Variants in NALF1 observed in about 807,000 individuals in gnomAD.
The protein encoded by NALF1 is family with sequence similarity 155 member A.
Under a neutral mutation model 48.4 loss-of-function variants are expected in NALF1, and 3 were observed. The observed-to-expected ratio is 0.06, with a 90% CI of 0.03 to 0.16. NALF1 has a LOEUF of 0.16. Ranked by LOEUF, NALF1 falls within the 10% of genes least tolerant of loss-of-function variation. The pLI, the probability that NALF1 is intolerant of heterozygous loss-of-function variation, is 1.00. For missense variants in NALF1, 526 were observed against 571.5 expected, an observed-to-expected ratio of 0.92 and a Z score of 0.81; for synonymous variants, 262 against 245.7, an observed-to-expected ratio of 1.07 and a Z score of -0.62.
chr13:107,569,604 T>C (rs1877925810), intron 1 of NALF1, among the ~76,000 whole-genome samples: 1 of 152,240 alleles, frequency 6.6e-6, no homozygotes, highest in African/African-American at 2.4e-5. Flanking sequence ...TATGAGTCTA[T>C]CGTTCTGTTG....
chr13:107,636,155 C>A (rs1478761533), intron 1 of NALF1, among the ~76,000 whole-genome samples: 1 of 152,042 alleles, frequency 6.6e-6, no homozygotes, highest in African/African-American at 2.4e-5. Context: ...CCAAAAGAAG[C>A]ATGAAGCAGG....
intron 1 of NALF1, among the ~76,000 whole-genome samples, chr13:107,262,169 T>C (rs9520351): frequency 0.79 from 120,255 of 152,102 alleles, 47,755 homozygotes; most frequent in South Asian, 0.89. Context: ...AATCCTAGCA[T>C]TTTGGGACAT....
intron 1 of NALF1, among the ~76,000 whole-genome samples, chr13:107,702,702 C>T (rs1476814249): frequency 2.0e-5 from 3 of 152,114 alleles, no homozygotes; most frequent in Non-Finnish European, 4.4e-5. Context: ...TCCTCCCATC[C>T]TCACAGTCCA....
intron 1 of NALF1, among the ~76,000 whole-genome samples, chr13:107,695,933 G>A (rs915241506): frequency 6.9e-6 from 1 of 144,630 alleles, no homozygotes; most frequent in South Asian, 2.1e-4. Context: ...GTCTCACTCT[G>A]TCACCCAGGC....
At chr13:107,688,871 T>C (rs958464841) in intron 1 of NALF1, among the ~76,000 whole-genome samples, 1 of 152,144 alleles carries the variant, frequency 6.6e-6, no homozygotes, top group African/African-American at 2.4e-5. Context: ...GTGACCGAAA[T>C]GCATTACCTA....
chr13:107,728,335 T>C (rs1355937133), intron 1 of NALF1, among the ~76,000 whole-genome samples: 2 of 152,130 alleles, frequency 1.3e-5, no homozygotes, highest in African/African-American at 2.4e-5. Flanking sequence ...ATATACACCA[T>C]GGAATATTAT....
At chr13:107,770,038 G>T (rs1249922073) in intron 1 of NALF1, among the ~76,000 whole-genome samples, 2 of 152,050 alleles carry the variant, frequency 1.3e-5, no homozygotes, top group South Asian at 2.1e-4. Context: ...TCAGCCTCCT[G>T]AGTAGCTGGG....
chr13:107,586,149 T>C (rs369875499), intron 1 of NALF1, among the ~76,000 whole-genome samples: 8 of 152,184 alleles, frequency 5.3e-5, no homozygotes, highest in South Asian at 2.1e-4. Flanking sequence ...AGGTACCTCA[T>C]AGAATTGTGG....
At chr13:107,269,166 T>A (rs370431179) in intron 1 of NALF1, among the ~76,000 whole-genome samples, 7 of 143,232 alleles carry the variant, frequency 4.9e-5, no homozygotes, top group African/African-American at 2.6e-5. Flanking sequence ...TGTCTATGTT[T>A]AAAAAAAAAA....
chr13:107,745,123 G>A (rs902795162), intron 1 of NALF1, among the ~76,000 whole-genome samples: 2 of 152,192 alleles, frequency 1.3e-5, no homozygotes, highest in African/African-American at 4.8e-5. Flanking sequence ...CTAATACCTA[G>A]AGGGTACATA....
intron 1 of NALF1, among the ~76,000 whole-genome samples, chr13:107,409,817 A>G (rs1212697394): frequency 6.6e-6 from 1 of 152,208 alleles, no homozygotes; most frequent in East Asian, 1.9e-4. Flanking sequence ...TCTGAAATAC[A>G]TAAAGACACC....
chr13:107,634,029 G>T (rs1380043138), intron 1 of NALF1, among the ~76,000 whole-genome samples: 1 of 151,372 alleles, frequency 6.6e-6, no homozygotes, highest in Non-Finnish European at 1.5e-5. Flanking sequence ...AGAGTTATTT[G>T]AATTTTCATA....
rs139113957 is a variant in NALF1 at position 107,773,629 on chromosome 13, A to C, written c.915+92053T>G. 2.4e-3 allele frequency among the ~76,000 whole-genome samples: 369 copies of C among 151,248 alleles called. 4 individuals are homozygous for C. The highest frequency in any genetic ancestry group is 8.4e-3 in the African/African-American group (347 of 41,200). On this transcript the variant is annotated intron_variant, in intron 1 of 2. Transcript: ENST00000375915. ...TTAGGCTTTGATTTCCTTATCATTT[A>C]AAAATAATGAGTGTCCGCATGTTCT...
In NALF1 at chr13:107,780,030, C is replaced by CT. The variant is rs35078173; in HGVS notation, c.915+85651dup. On this transcript the variant is annotated intron_variant, in intron 1 of 2. Transcript: ENST00000375915. ...CTTTGTTCTCTATCTCCAAGACATACTTTTTTTTTTTTTTTTTCTGAATGT... is the reference window on the plus strand; with the variant it reads ...CTTTGTTCTCTATCTCCAAGACATACTTTTTTTTTTTTTTTTTTCTGAATGT... Among the ~76,000 whole-genome samples, 1,331 of 134,042 alleles carry CT rather than the reference C, an allele frequency of 9.9e-3. 10 individuals carry two copies. The highest frequency in any genetic ancestry group is 0.033 in the East Asian group (152 of 4,576). 87.9% of individuals were successfully genotyped at this position (134,042 alleles called of 152,430 possible).
intron 1 of NALF1, among the ~76,000 whole-genome samples, chr13:107,290,209 A>T: frequency 6.6e-6 from 1 of 151,194 alleles, no homozygotes; most frequent in East Asian, 1.9e-4. Context: ...CCAGAAATAC[A>T]TTTTGCCACA....
At chr13:107,718,062 G>A (rs2138524967) in intron 1 of NALF1, among the ~76,000 whole-genome samples, 1 of 152,252 alleles carries the variant, frequency 6.6e-6, no homozygotes, top group Admixed American at 6.5e-5. Context: ...GAACCAGATT[G>A]GAAACCAGGT....
At chr13:107,607,875 G>A (rs539154654) in intron 1 of NALF1, among the ~76,000 whole-genome samples, 31 of 152,310 alleles carry the variant, frequency 2.0e-4, no homozygotes, top group African/African-American at 7.5e-4. Context: ...ACCTGTAACA[G>A]TGAAAACATA....
chr13:107,823,340 T>C (rs1879412068), intron 1 of NALF1, among the ~76,000 whole-genome samples: 2 of 152,188 alleles, frequency 1.3e-5, no homozygotes, highest in Admixed American at 6.5e-5. Context: ...CTCTCTCACC[T>C]GGGTAAGTCC....
At position 107,544,236 on chromosome 13, in the gene NALF1, G is replaced by A. The variant is rs148914490; in HGVS notation, c.915+321446C>T. ...TGGGCTGATGCATGCTTTTAGCTAA[G>A]TGGCCTCAAACACAGACACTCTCTA... is the stretch of plus-strand genomic sequence containing the variant. On this transcript the variant is annotated intron_variant, in intron 1 of 2. Transcript: ENST00000375915. Among the ~76,000 whole-genome samples the A allele has an allele frequency of 1.8e-3, 275 of 152,200 alleles. 1 individual carries two copies. Among genetic ancestry groups the A allele is most frequent in the Non-Finnish European group, 3.1e-3 (208 of 67,992 alleles).
Sources: gnomAD v4.1 joint callset for allele counts (sites outside exome capture counted in the v4.1 genomes callset) on GRCh38, gnomAD v4.1.1 for gene constraint, MANE v1.5 for transcripts, NCBI Gene and HGNC (gene_info 2026-07-23, HGNC 2026-07-21) for gene names.